Variants in TNRC6C observed in about 807,000 individuals in gnomAD.
The protein encoded by TNRC6C is trinucleotide repeat containing adaptor 6C.
A neutral mutation model predicts 153.7 loss-of-function variants in TNRC6C; 20 were observed. That is an observed-to-expected ratio of 0.13 (90% confidence interval 0.09 to 0.19). TNRC6C has a LOEUF of 0.19. Among genes scored for constraint, TNRC6C ranks in the 10% least tolerant of loss-of-function variants. The pLI is 1.00. For missense variants in TNRC6C, 1,987 were observed against 2,172.0 expected (o/e 0.91, Z 1.69); for synonymous variants, 811 against 841.4 (o/e 0.96, Z 0.63).
chr17:77,980,610 G>A (rs1426144695), intron 1 of TNRC6C, among the ~76,000 whole-genome samples: 4 of 152,160 alleles, frequency 2.6e-5, no homozygotes, highest in African/African-American at 4.8e-5. Context: ...TCTACCTGGA[G>A]ATAACTCAGA....
chr17:77,975,122 A>T (rs145807030), intron 1 of TNRC6C, among the ~76,000 whole-genome samples: 2 of 152,308 alleles, frequency 1.3e-5, no homozygotes, highest in African/African-American at 4.8e-5. Flanking sequence ...GGGGGGAAAA[A>T]AATTCTTCCA....
chr17:77,958,957 G>A (rs2070836387), upstream of TNRC6C, among the ~76,000 whole-genome samples: 1 of 146,460 alleles, frequency 6.8e-6, no homozygotes, highest in African/African-American at 2.5e-5. Context: ...CACCGCCGCC[G>A]CCGCCGCCGC....
intron 1 of TNRC6C, among the ~76,000 whole-genome samples, chr17:77,989,173 T>G (rs1397006475): frequency 6.6e-6 from 1 of 152,144 alleles, no homozygotes; most frequent in Non-Finnish European, 1.5e-5. Flanking sequence ...AGGATGGACT[T>G]TTGTTTAGGG....
chr17:78,061,098 C>T (rs1028712442), intron 3 of TNRC6C, among the ~76,000 whole-genome samples: 3 of 152,176 alleles, frequency 2.0e-5, no homozygotes, highest in Non-Finnish European at 2.9e-5. Flanking sequence ...ATCCCCATCT[C>T]TGTTTGTTAA....
chr17:78,037,739 C>A (rs1450559995), intron 2 of TNRC6C, among the ~76,000 whole-genome samples: 3 of 152,190 alleles, frequency 2.0e-5, no homozygotes, highest in Non-Finnish European at 4.4e-5. Context: ...ATAAAAGCTT[C>A]TTTTGGTAAT....
chr17:78,071,237 A>G (rs1567951170), intron 6 of TNRC6C, 72 bp downstream of exon 8: 4 of 1,415,596 alleles, frequency 2.8e-6, no homozygotes, highest in African/African-American at 1.4e-5. Flanking sequence ...TTTCCTCTCC[A>G]TGTTTGTTAT....
intron 7 of TNRC6C, among the ~76,000 whole-genome samples, chr17:78,074,486 G>C (rs1369323131): frequency 6.6e-6 from 1 of 152,220 alleles, no homozygotes; most frequent in African/African-American, 2.4e-5. Flanking sequence ...TGCCAGGGCG[G>C]GACAGAGCAG....
At chr17:78,010,892 C>G (rs1323479937) in intron 1 of TNRC6C, among the ~76,000 whole-genome samples, 2 of 152,170 alleles carry the variant, frequency 1.3e-5, no homozygotes, top group Non-Finnish European at 2.9e-5. Flanking sequence ...TGAGTAGGTA[C>G]ATGAACGTAT....
At chr17:78,103,628 A>G in intron 19 of TNRC6C, 75 bp downstream of exon 22, 5 of 1,580,798 alleles carry the variant, frequency 3.2e-6, no homozygotes, top group Non-Finnish European at 4.3e-6. Context: ...GGGGTGTTGC[A>G]GGGGTGTCCT....
At chr17:78,000,630 C>CCCCCCCCCACA (rs1555628277), upstream of TNRC6C, among the ~76,000 whole-genome samples, 1 of 62,310 alleles carries the variant, frequency 1.6e-5, no homozygotes, top group Non-Finnish European at 3.0e-5. Context: ...CCCCCCCCCC[C>CCCCCCCCCACA]CACACACACA....
chr17:78,009,574 G>A (rs1024969486), intron 1 of TNRC6C, among the ~76,000 whole-genome samples: 1 of 151,994 alleles, frequency 6.6e-6, no homozygotes, highest in Admixed American at 6.5e-5. Context: ...GTTTTTTTGA[G>A]ATGGAGTTTT....
chr17:78,087,342 TC>T (rs1204443490), intron 13 of TNRC6C, among the ~76,000 whole-genome samples: 29 of 152,132 alleles, frequency 1.9e-4, no homozygotes, highest in Admixed American at 1.9e-3. Flanking sequence ...GGTCTTGAAC[TC>T]CTGGGCTCAA....
chr17:77,963,370 GA>G (rs1274692110), intron 1 of TNRC6C, among the ~76,000 whole-genome samples: 1 of 152,122 alleles, frequency 6.6e-6, no homozygotes, highest in Non-Finnish European at 1.5e-5. Flanking sequence ...TTTATTTAAT[GA>G]AAAGTAAATT....
chr17:78,086,936 ACCACCG>A, exon 13 of TNRC6C: 1 of 1,612,542 alleles, frequency 6.2e-7, no homozygotes. Flanking sequence ...TGAAGCAGCC[ACCACCG>A]CCACCGCCCC....
At chr17:77,970,726 C>T (rs1167094893) in intron 1 of TNRC6C, among the ~76,000 whole-genome samples, 1 of 151,652 alleles carries the variant, frequency 6.6e-6, no homozygotes, top group Non-Finnish European at 1.5e-5. Context: ...TATGTGTGGC[C>T]CAAGACAATT....
intron 2 of TNRC6C, among the ~76,000 whole-genome samples, chr17:78,039,008 G>T (rs762315573): frequency 6.6e-6 from 1 of 152,132 alleles, no homozygotes; most frequent in African/African-American, 2.4e-5. Flanking sequence ...GTAATATGAC[G>T]TAGTACATCC....
chr17:78,091,314 A>G (rs903783353), intron 13 of TNRC6C, 126 bp from the exon 16 acceptor site: 26 of 1,128,650 alleles, frequency 2.3e-5, no homozygotes, highest in Non-Finnish European at 2.6e-5. Context: ...CATCAAGAGC[A>G]AGACTCCGTC....
chr17:78,064,692 A>G (rs1189915589), intron 3 of TNRC6C, 30 bp from the exon 6 acceptor site: 4 of 1,605,436 alleles, frequency 2.5e-6, no homozygotes, highest in Non-Finnish European at 3.4e-6. Flanking sequence ...CACTTTCATT[A>G]TTTTCTCTAC....
intron 1 of TNRC6C, among the ~76,000 whole-genome samples, chr17:78,024,883 C>G (rs1302565237): frequency 6.6e-6 from 1 of 151,424 alleles, no homozygotes; most frequent in Admixed American, 6.6e-5. Flanking sequence ...CAGCCTCTGC[C>G]TCCAGGTTCA....
Sources: allele counts gnomAD v4.1 joint callset (sites outside exome capture counted in the v4.1 genomes callset), GRCh38; gene constraint gnomAD v4.1.1; transcripts MANE v1.5; gene names NCBI Gene and HGNC (gene_info 2026-07-23, HGNC 2026-07-21).